The following UNC119B variants were observed in gnomAD, a reference collection of about 807,000 sequenced individuals.
The protein encoded by UNC119B is protein unc-119 homolog B.
A neutral mutation model predicts 23.4 loss-of-function variants in UNC119B; 16 were observed. The observed-to-expected ratio is 0.68, with a 90% confidence interval of 0.46 to 1.04. UNC119B has a LOEUF of 1.04. UNC119B is among the 50% of genes least tolerant of loss of function. The probability of loss-of-function intolerance (pLI) is 0.00; values close to 1 mark genes in which losing one functional copy is unlikely to be tolerated. For synonymous variants in UNC119B, 144 were observed against 145.4 expected (o/e 0.99, Z 0.07); for missense variants, 350 against 361.3 (o/e 0.97, Z 0.25).
At chr12:120,711,720 A>G (rs1416162267) in intron 1 of UNC119B, 1 of 152,260 alleles carries the variant, frequency 6.6e-6, no homozygotes, top group Non-Finnish European at 1.5e-5. Context: ...CTGAGCTGCT[A>G]TAGCAGGCAG....
At chr12:120,711,733 C>T (rs75176471) in intron 1 of UNC119B, 4,017 of 152,352 alleles carry the variant, frequency 0.026, 90 homozygotes, top group South Asian at 0.064. Context: ...GCAGGCAGCC[C>T]AGGGCTGTTC....
Position 120,710,500 on chromosome 12 carries a change from C to T in UNC119B, c.26C>T (p.Ala9Val), listed in dbSNP as rs749019967. Residue 9 changes from alanine (A) to valine (V), a missense_variant, in exon 1 of 5, where the codon GCG (alanine) becomes GTG (valine). By Grantham distance (64) the Ala-to-Val change is moderately conservative (BLOSUM62 0). Transcript: ENST00000344651. ...ATGAGCGGGTCTAACCCGAAGGCTG[C>T]GGCCGCGGCGTCGGCGGCTGGGCCC... MSGSNPKA[A>V]AAASAAGPGG... is the part of the protein sequence containing the mutation. 1 of 1,355,616 alleles carries T rather than the reference C, an allele frequency of 7.4e-7. No individual in the cohort carries two copies. The highest frequency in any genetic ancestry group is 9.4e-7 in the Non-Finnish European group (1 of 1,061,346). The allele number at this position is 1,355,616 out of a possible 1,614,324, so 84.0% of individuals were successfully genotyped here. A position where few individuals can be genotyped will look rare whatever the true frequency, so the allele number is the denominator to read the frequency against.
In UNC119B at chr12:120,713,403, G is replaced by T. The variant is rs760946958; in HGVS notation, c.358+16G>T. The T allele has an allele frequency of 6.3e-7, 1 of 1,583,616 alleles. No individual in the cohort carries two copies. The highest frequency in any genetic ancestry group is 8.7e-7 in the Non-Finnish European group (1 of 1,153,910). Reference sequence around the variant, plus strand: ...TGCGTTTCAGGTAGGCCTCTACGTTGTGGTGACCACTAGACAGTTTTGAGC... The same window carrying T: ...TGCGTTTCAGGTAGGCCTCTACGTTTTGGTGACCACTAGACAGTTTTGAGC... On this transcript the variant is annotated intron_variant, in intron 2 of 4. Coordinates refer to ENST00000344651, the MANE Select transcript of UNC119B (RefSeq NM_001080533.3).
chr12:120,718,138 A>T (rs1356825549), intron 4 of UNC119B, among the ~76,000 whole-genome samples: 2 of 151,912 alleles, frequency 1.3e-5, no homozygotes, highest in African/African-American at 2.4e-5. Flanking sequence ...AAAGTGCTGG[A>T]ATTACAGGCT....
At chr12:120,714,452 C>CT (rs1197050144) in intron 2 of UNC119B, among the ~76,000 whole-genome samples, 1 of 152,138 alleles carries the variant, frequency 6.6e-6, no homozygotes, top group Non-Finnish European at 1.5e-5. Flanking sequence ...TCCCAAGTAG[C>CT]TGAGATTACA....
intron 2 of UNC119B, 59 bp downstream of exon 2, chr12:120,713,446 C>A: frequency 1.5e-6 from 2 of 1,314,952 alleles, no homozygotes; most frequent in South Asian, 2.4e-5. Flanking sequence ...CTTTGAAACT[C>A]AAATCTTTGT....
At chr12:120,716,808 T>A in intron 3 of UNC119B, 62 bp from the exon 4 acceptor site, 2 of 1,605,080 alleles carry the variant, frequency 1.2e-6, no homozygotes, top group Non-Finnish European at 1.7e-6. Context: ...TTCGGTTGGG[T>A]TTTGGGTTGG....
intron 4 of UNC119B, among the ~76,000 whole-genome samples, chr12:120,717,592 T>C (rs1374101312): frequency 5.3e-5 from 8 of 151,472 alleles, no homozygotes; most frequent in Admixed American, 2.6e-4. Flanking sequence ...AGACGGAGTC[T>C]TGCCCTATTG....
At chr12:120,718,889 G>T (rs935861429) in intron 4 of UNC119B, among the ~76,000 whole-genome samples, 18 of 152,200 alleles carry the variant, frequency 1.2e-4, no homozygotes, top group Admixed American at 1.1e-3. Flanking sequence ...GAGATGTGGG[G>T]CAGGGTGTTG....
At chr12:120,718,065 T>A (rs1447959575) in intron 4 of UNC119B, among the ~76,000 whole-genome samples, 1 of 152,162 alleles carries the variant, frequency 6.6e-6, no homozygotes, top group Non-Finnish European at 1.5e-5. Flanking sequence ...AGACGGGGTT[T>A]CACCGTGTTA....
At chr12:120,710,988 G>C (rs912220159) in intron 1 of UNC119B, 1 of 292,838 alleles carries the variant, frequency 3.4e-6, no homozygotes, top group Non-Finnish European at 6.3e-6. Context: ...AGCTCTGCCG[G>C]ACCTGTTTGG....
Position 120,714,436 on chromosome 12 carries a change from T to G in UNC119B, c.358+1049T>G, listed in dbSNP as rs181374321. Among the ~76,000 whole-genome samples, 336 of 152,252 alleles carry G rather than the reference T, an allele frequency of 2.2e-3. 2 individuals are homozygous for G. The highest frequency in any genetic ancestry group is 7.8e-3 in the African/African-American group (326 of 41,554). On this transcript the variant is annotated intron_variant, in intron 2 of 4. Coordinates refer to ENST00000344651, the MANE Select transcript of UNC119B (RefSeq NM_001080533.3). ...CCTGGGTTCAAGAGCTTCTCCTGCC[T>G]CAGCCTCCCAAGTAGCTGAGATTAC...
chr12:120,720,060 C>T lies in UNC119B; in HGVS notation c.*28C>T. ...GCTGCAAGAGTAGATAGGGGAGGTG[C>T]TTTGCCGCGGCCACAAGATCCTGGC... is the stretch of plus-strand genomic sequence containing the variant. On this transcript the variant is annotated 3_prime_UTR_variant, in exon 5 of 5. Transcript: ENST00000344651. The T allele has an allele frequency of 3.3e-6, 5 of 1,530,158 alleles. No individual in the cohort carries two copies. Among genetic ancestry groups the T allele is most frequent in the Non-Finnish European group, 4.5e-6 (5 of 1,105,522 alleles). 94.8% of individuals were successfully genotyped at this position (1,530,158 alleles called of 1,614,324 possible).
At chr12:120,718,348 T>C (rs1010715177) in intron 4 of UNC119B, among the ~76,000 whole-genome samples, 3 of 152,206 alleles carry the variant, frequency 2.0e-5, no homozygotes. Context: ...CCTTCACTTT[T>C]TTCTTAATCA....
At chr12:120,712,706 A>G (rs1882694913) in intron 1 of UNC119B, among the ~76,000 whole-genome samples, 1 of 152,260 alleles carries the variant, frequency 6.6e-6, no homozygotes, top group Non-Finnish European at 1.5e-5. Context: ...GTTTTACTGG[A>G]ATATAGCCAC....
chr12:120,719,441 T>C (rs772832841), intron 4 of UNC119B, among the ~76,000 whole-genome samples: 1 of 152,214 alleles, frequency 6.6e-6, no homozygotes, highest in Non-Finnish European at 1.5e-5. Flanking sequence ...CATTCCAATC[T>C]AGGTTTCCTT....
rs1882897245 is a variant in UNC119B at position 120,721,345 on chromosome 12, C to T, written c.*1313C>T. ...CCTTAGTGGACAGACTCCACAAACC[C>T]TCTGATGAGACGATTGATGTGGCCA... On this transcript the variant is annotated 3_prime_UTR_variant, in exon 5 of 5. Coordinates refer to ENST00000344651, the MANE Select transcript of UNC119B (RefSeq NM_001080533.3). The T allele has an allele frequency of 6.6e-6, 1 of 152,236 alleles. No individual in the cohort carries two copies. Among genetic ancestry groups the T allele is most frequent in the Non-Finnish European group, 1.5e-5 (1 of 68,052 alleles). 9.4% of individuals were successfully genotyped at this position (152,236 alleles called of 1,614,324 possible). A position where few individuals can be genotyped will look rare whatever the true frequency, so the allele number is the denominator to read the frequency against.
At position 120,716,633 on chromosome 12, in the gene UNC119B, G is replaced by A. The variant is rs772363023; in HGVS notation, c.364G>A (p.Glu122Lys). ...EIAKPCVSDQ[E>K]EDEEEGGGDV... ...GATTCTGTGTGCTCTTTCAGACCAG[G>A]AGGAGGATGAGGAGGAGGGAGGTGG... The change falls in exon 3 of 5, where the codon GAG (glutamate) becomes AAG (lysine). Residue 122 changes from glutamate to lysine, a missense_variant. Transcript: ENST00000344651. 3 of 1,614,206 alleles carry A rather than the reference G, an allele frequency of 1.9e-6. No individual in the cohort carries two copies. In the Admixed American group the frequency reaches 5.0e-5, roughly 27 times the overall value.
intron 4 of UNC119B, among the ~76,000 whole-genome samples, chr12:120,719,127 C>T (rs749623329): frequency 6.6e-6 from 1 of 152,332 alleles, no homozygotes; most frequent in Admixed American, 6.5e-5. Context: ...AACAGCATTT[C>T]CTCCAGGGGA....
Sources: allele counts gnomAD v4.1 joint callset (sites outside exome capture counted in the v4.1 genomes callset), GRCh38; gene constraint gnomAD v4.1.1; transcripts MANE v1.5; gene names NCBI Gene and HGNC (gene_info 2026-07-23, HGNC 2026-07-21).